Variants in PCYT1A observed in about 807,000 individuals in gnomAD.
The protein encoded by PCYT1A is choline-phosphate cytidylyltransferase A.
Under a neutral mutation model 43.7 loss-of-function variants are expected in PCYT1A, and 25 were observed. That is an observed-to-expected ratio of 0.57 (90% CI 0.42 to 0.80). The LOEUF (loss-of-function observed/expected upper bound fraction) is 0.80, where lower values mean the gene tolerates loss of function less well. PCYT1A is among the 30% of genes least tolerant of loss of function. PCYT1A has a pLI of 0.00. For missense variants in PCYT1A, 421 were observed against 474.2 expected (o/e 0.89, Z 1.04); for synonymous variants, 172 against 170.7 (o/e 1.01, Z -0.06).
chr3:196,279,641 C>T (rs1372570601), intron 1 of PCYT1A, among the ~76,000 whole-genome samples: 2 of 152,012 alleles, frequency 1.3e-5, no homozygotes, highest in Non-Finnish European at 2.9e-5. Context: ...CTTTGCTAGA[C>T]AAGTGGAAGA....
intron 2 of PCYT1A, among the ~76,000 whole-genome samples, chr3:196,263,564 T>A (rs964232364): frequency 6.6e-6 from 1 of 152,070 alleles, no homozygotes; most frequent in Non-Finnish European, 1.5e-5. Context: ...TCAAGAGGAA[T>A]ACCATGTGGT....
chr3:196,267,194 A>AC (rs1203637971), intron 2 of PCYT1A: 2 of 331,690 alleles, frequency 6.0e-6, no homozygotes, highest in East Asian at 1.8e-4. Context: ...AAAAAAAAAA[A>AC]AAAATTAAGT....
rs1207730310 is a variant in PCYT1A, at chr3:196,273,293, CTCTCT to C, written c.-10-2757_-10-2753del. ...GCTACAGCTCTTCTCTTTCTCTCTC[CTCTCT>C]TCTCTCTTTCTGTTGCCCACAGCGT... On this transcript the variant is annotated intron_variant, in intron 1 of 8. Transcript: ENST00000431016. This position sits in a 1 kb window ranked among gnomAD's most constrained non-coding sequence, Gnocchi z 4.1. 2.0e-5 allele frequency among the ~76,000 whole-genome samples: 3 copies of C among 152,224 alleles called. No homozygotes were observed. The highest frequency in any genetic ancestry group is 7.2e-5 in the African/African-American group (3 of 41,452).
chr3:196,270,255 G>A lies in PCYT1A; in HGVS notation c.117+160C>T, dbSNP rs148586459. Among the ~76,000 whole-genome samples the A allele has an allele frequency of 2.6e-3, 390 of 152,328 alleles. 2 individuals are homozygous for A. The highest frequency in any genetic ancestry group is 8.9e-3 in the African/African-American group (371 of 41,560). On this transcript the variant is annotated intron_variant, in intron 2 of 8. Transcript: ENST00000431016. The stretch of plus-strand genomic sequence containing the variant: ...CCCAATGTAAAGCTTCTACAACTGA[G>A]CTGTGAGTCATAATCCAGTAAAAAG...
intron 5 of PCYT1A, among the ~76,000 whole-genome samples, chr3:196,246,414 A>T (rs1367611509): frequency 5.4e-5 from 8 of 147,516 alleles, no homozygotes; most frequent in East Asian, 4.2e-4. Context: ...TTTTTTTTTT[A>T]AAGTAGAGAC....
chr3:196,255,089 A>C (rs1724915428), intron 3 of PCYT1A, among the ~76,000 whole-genome samples: 4 of 152,226 alleles, frequency 2.6e-5, no homozygotes, highest in Admixed American at 2.6e-4. Flanking sequence ...TCACTAGAGC[A>C]GGTGCATTCT....
chr3:196,279,826 C>CTT (rs397723929), intron 1 of PCYT1A, among the ~76,000 whole-genome samples: 76 of 50,926 alleles, frequency 1.5e-3, no homozygotes, highest in Admixed American at 2.3e-3. Flanking sequence ...CCAGTCCTTT[C>CTT]TTTTTTTTTT....
chr3:196,245,822 G>C (rs1433929279), intron 5 of PCYT1A, among the ~76,000 whole-genome samples: 1 of 151,974 alleles, frequency 6.6e-6, no homozygotes, highest in Non-Finnish European at 1.5e-5. Context: ...ATGGTGGCGC[G>C]CACCTGTAAT....
chr3:196,255,524 A>G (rs1365207691), intron 3 of PCYT1A, among the ~76,000 whole-genome samples: 1 of 152,226 alleles, frequency 6.6e-6, no homozygotes, highest in East Asian at 1.9e-4. Flanking sequence ...CTTGTTAATT[A>G]TAAGCTTTAA....
At chr3:196,283,108 C>T (rs983340101) in intron 1 of PCYT1A, among the ~76,000 whole-genome samples, 1 of 152,182 alleles carries the variant, frequency 6.6e-6, no homozygotes, top group African/African-American at 2.4e-5. Flanking sequence ...GAGGCCGAGG[C>T]GGATGGATCA....
intron 7 of PCYT1A, 113 bp from the exon 8 acceptor site, chr3:196,239,848 A>G: frequency 1.4e-6 from 1 of 728,482 alleles, no homozygotes; most frequent in Non-Finnish European, 2.4e-6. Flanking sequence ...TCAGTCTAGA[A>G]TTTTGCTTTG....
chr3:196,286,914 A>G (rs1725930166), intron 1 of PCYT1A, among the ~76,000 whole-genome samples: 1 of 152,236 alleles, frequency 6.6e-6, no homozygotes, highest in East Asian at 1.9e-4. Context: ...AACTGTCTCA[A>G]AAAAAGAAAA....
intron 2 of PCYT1A, among the ~76,000 whole-genome samples, chr3:196,269,505 A>C (rs1725370975): frequency 1.3e-5 from 2 of 152,274 alleles, no homozygotes; most frequent in South Asian, 4.1e-4. Flanking sequence ...GTGTTCTCTG[A>C]CATGTTTTTA....
intron 8 of PCYT1A, 62 bp downstream of exon 8, chr3:196,239,485 T>C (rs993916711): frequency 5.9e-5 from 65 of 1,103,100 alleles, no homozygotes; most frequent in Non-Finnish European, 8.6e-5. Flanking sequence ...TCCTGCTCAA[T>C]GATTCTGTCA....
chr3:196,239,022 C>T (rs1431195308), intron 8 of PCYT1A, 128 bp from the exon 9 acceptor site: 16 of 470,294 alleles, frequency 3.4e-5, no homozygotes, highest in South Asian at 7.8e-5. Context: ...TGTCATCACC[C>T]GGGAAATTCC....
Position 196,247,365 on chromosome 3 carries a change from A to G in PCYT1A, c.486+2T>C. 1 of 1,613,812 alleles carries G rather than the reference A, an allele frequency of 6.2e-7. No individual in the cohort carries two copies. The highest frequency in any genetic ancestry group is 8.5e-7 in the Non-Finnish European group (1 of 1,179,998). ...AATGGGAATATGTGTCCAGTTTCTT[A>G]CCCGGTGTTCGGCCAGGAACTCGGG... is the stretch of plus-strand genomic sequence containing the variant. On this transcript the variant is annotated splice_donor_variant, in intron 5 of 8. Transcript: ENST00000431016. LOFTEE classifies it high-confidence loss of function. This position sits in a 1 kb window ranked among gnomAD's most constrained non-coding sequence, Gnocchi z 4.8.
intron 2 of PCYT1A, among the ~76,000 whole-genome samples, chr3:196,269,638 T>G (rs1260563142): frequency 6.6e-6 from 1 of 151,952 alleles, no homozygotes; most frequent in Admixed American, 6.6e-5. Context: ...TCATCTAAGG[T>G]TTGGCAATAA....
At chr3:196,255,172 A>T (rs1401372980) in intron 3 of PCYT1A, among the ~76,000 whole-genome samples, 1 of 152,352 alleles carries the variant, frequency 6.6e-6, no homozygotes, top group African/African-American at 2.4e-5. Context: ...TAAAACAGTC[A>T]GACAAAATGA....
chr3:196,250,204 A>AGAGGACCAGGTACACCATGCCGAGGCT (rs1560166196), intron 3 of PCYT1A, among the ~76,000 whole-genome samples: 3 of 70,982 alleles, frequency 4.2e-5, no homozygotes, highest in South Asian at 5.9e-4. Context: ...ATGCCGAGGC[A>AGAGGACCAGGTACACCATGCCGAGGCT]GAGGACCAGG....
Sources: gnomAD v4.1 joint callset for allele counts (sites outside exome capture counted in the v4.1 genomes callset) on GRCh38, gnomAD v4.1.1 for gene constraint, Gnocchi (gnomAD v3.1) non-coding constraint, MANE v1.5 for transcripts, NCBI Gene and HGNC (gene_info 2026-07-23, HGNC 2026-07-21) for gene names.